The following WIZ variants were observed in gnomAD, a reference collection of about 807,000 sequenced individuals.
WIZ encodes WIZ zinc finger.
A neutral mutation model predicts 140.2 loss-of-function variants in WIZ; 25 were observed. The ratio of observed to expected loss-of-function variants is 0.18; its 90% CI spans 0.13 to 0.25. The LOEUF is 0.25. WIZ is among the 10% of genes least tolerant of loss of function. The pLI, the probability that WIZ is intolerant of heterozygous loss-of-function variation, is 1.00. For missense variants in WIZ, 2,231 were observed against 2,632.6 expected (o/e 0.85, Z 3.34); for synonymous variants, 1,125 against 1,154.3 (o/e 0.97, Z 0.51).
rs1184057182 is a variant in WIZ at position 15,422,711 on chromosome 19, T to C, written c.*365A>G. The C allele has an allele frequency of 6.6e-6, 2 of 303,036 alleles. No individual in the cohort carries two copies. The highest frequency in any genetic ancestry group is 9.4e-5 in the Admixed American group (2 of 21,176). The allele number at this position is 303,036 out of a possible 1,614,324, so 18.8% of individuals were successfully genotyped here. A position where few individuals can be genotyped will look rare whatever the true frequency, so the allele number is the denominator to read the frequency against. ...GAGAGGGAACCAGAACAGGGGTCTT[T>C]GGGGTCTTTGCAAATGGCCACGGAT... On this transcript the variant is annotated 3_prime_UTR_variant, in exon 13 of 13. Coordinates refer to ENST00000673675, the MANE Select transcript of WIZ (RefSeq NM_001371589.1).
chr19:15,438,275 C>T (rs1969591182), intron 4 of WIZ, among the ~76,000 whole-genome samples: 1 of 152,188 alleles, frequency 6.6e-6, no homozygotes, highest in South Asian at 2.1e-4. Context: ...TGCTGTGTCC[C>T]CAGGTCCCCA....
Position 15,440,552 on chromosome 19 carries a change from T to C in WIZ, c.442A>G (p.Ile148Val). 1 of 1,536,148 alleles carries C rather than the reference T, an allele frequency of 6.5e-7. No individual in the cohort carries two copies. ...LSERRFEDSV[I>V]VRTMKPHAEL... is the part of the protein sequence containing the mutation. ...GCGTGGGGTTTCATGGTTCTCACAA[T>C]GACTGAGTCCTCGAATCTCCGCTCA... is the stretch of plus-strand genomic sequence containing the variant. The change falls in exon 4 of 13, where the codon ATT (isoleucine) becomes GTT (valine). Residue 148 changes from isoleucine (I) to valine (V), a missense_variant. Physicochemically the swap from Ile to Val is conservative, Grantham distance 29 (BLOSUM62 3). Coordinates refer to ENST00000673675, the MANE Select transcript of WIZ (RefSeq NM_001371589.1). This position sits in a 1 kb window ranked among gnomAD's most constrained non-coding sequence, Gnocchi z 6.2.
Position 15,440,799 on chromosome 19 carries a change from G to T in WIZ, c.279-84C>A. The T allele has an allele frequency of 5.7e-6, 7 of 1,221,326 alleles. No individual in the cohort carries two copies. The highest frequency in any genetic ancestry group is 1.6e-5 in the African/African-American group (1 of 64,506). The allele number at this position is 1,221,326 out of a possible 1,614,324, so 75.7% of individuals were successfully genotyped here. A position where few individuals can be genotyped will look rare whatever the true frequency, so the allele number is the denominator to read the frequency against. ...GTGGTGATGGGGGTCCTCCCAGGCC[G>T]TTTGAAGCAGGCCCCGGAGATCCAG... On this transcript the variant is annotated intron_variant, in intron 3 of 12. Transcript: ENST00000673675. This position sits in a 1 kb window ranked among gnomAD's most constrained non-coding sequence, Gnocchi z 6.2.
intron 7 of WIZ, among the ~76,000 whole-genome samples, chr19:15,429,040 C>T (rs1169971493): frequency 2.6e-5 from 4 of 152,194 alleles, no homozygotes; most frequent in African/African-American, 9.6e-5. Flanking sequence ...CTGCTCACTG[C>T]ACCTGGAGGG....
intron 2 of WIZ, among the ~76,000 whole-genome samples, chr19:15,445,506 G>A (rs1052327812): frequency 1.8e-4 from 28 of 152,282 alleles, no homozygotes; most frequent in African/African-American, 6.0e-4. Flanking sequence ...CTGGTTCAGC[G>A]ATGTCTCAAG....
In WIZ at chr19:15,436,878, G is replaced by A. The variant is rs779280796; in HGVS notation, c.2668C>T (p.Arg890Trp). 9.9e-6 allele frequency: 16 copies of A among 1,612,816 alleles called. No individual in the cohort carries two copies. The highest frequency in any genetic ancestry group is 1.7e-5 in the Admixed American group (1 of 59,814). Residue 890 changes from arginine to tryptophan, a missense_variant, in exon 5 of 13, where the codon CGG becomes TGG. Physicochemically the swap from Arg to Trp is moderately radical, Grantham distance 101 (BLOSUM62 -3). Coordinates refer to ENST00000673675, the MANE Select transcript of WIZ (RefSeq NM_001371589.1). ...GGCACCGTGAGAGGTAAGCGGGGCC[G>A]ACGGGAGGTCAGGAAGCTGCCAGGC... ...GPPGSFLTSR[R>W]PRLPLTVPFP...
chr19:15,429,770 G>A lies in WIZ; in HGVS notation c.3231C>T (p.Phe1077=), dbSNP rs1431470634. ...GCGGGTGGCCCAGGCCCTTGGCCGA[G>A]AAGCCGGGAGGCGACTTGATGGCTT... ...VNKAIKSPPG[F]SAKGLGHPPS... The change falls in exon 7 of 13, where the codon TTC becomes TTT. Residue 1077 remains phenylalanine, a synonymous_variant. Transcript: ENST00000673675. 1.3e-6 allele frequency: 2 copies of A among 1,511,024 alleles called. No individual in the cohort carries two copies. The highest frequency in any genetic ancestry group is 4.9e-5 in the East Asian group (2 of 40,462). 93.6% of individuals were successfully genotyped at this position (1,511,024 alleles called of 1,614,324 possible). A position where few individuals can be genotyped will look rare whatever the true frequency, so the allele number is the denominator to read the frequency against.
In WIZ at chr19:15,438,905, C is replaced by G. The variant is rs1008109539; in HGVS notation, c.2089G>C (p.Ala697Pro). 6.9e-7 allele frequency: 1 copy of G among 1,446,768 alleles called. No homozygotes were observed. The highest frequency in any genetic ancestry group is 1.4e-5 in the African/African-American group (1 of 70,268). 89.6% of individuals were successfully genotyped at this position (1,446,768 alleles called of 1,614,324 possible). A position where few individuals can be genotyped will look rare whatever the true frequency, so the allele number is the denominator to read the frequency against. ...TGCAACCTTGGGGGCACCCTGGCTG[C>G]CGCCATGACCTGCGGCCCCAGCTTC... Reference protein sequence around the residue: ...VAKLGPQVMAAARVPPRLQPE... With the variant: ...VAKLGPQVMAPARVPPRLQPE... The change falls in exon 4 of 13, where the codon GCA (alanine) becomes CCA (proline). Residue 697 changes from alanine to proline, a missense_variant. Physicochemically the swap from Ala to Pro is conservative, Grantham distance 27. This residue lies in a region of WIZ where 475 missense variants were observed against 520.2 expected (regional missense o/e 0.91). Coordinates refer to ENST00000673675, the MANE Select transcript of WIZ (RefSeq NM_001371589.1).
chr19:15,427,023 G>A lies in WIZ; in HGVS notation c.4325C>T (p.Pro1442Leu). 6.2e-7 allele frequency: 1 copy of A among 1,614,086 alleles called. No homozygotes were observed. Among genetic ancestry groups the A allele is most frequent in the East Asian group, 2.2e-5 (1 of 44,878 alleles). The change falls in exon 9 of 13, where the codon CCC becomes CTC. Residue 1442 changes from proline (P) to leucine (L), a missense_variant. By Grantham distance (98) the Pro-to-Leu change is moderately conservative. Around this residue, in one of 15 missense-constraint regions of WIZ, gnomAD observed 393 missense variants for 451.7 expected, o/e 0.87. Transcript: ENST00000673675. The surrounding 1 kb of genome is among the most constrained non-coding windows in gnomAD (Gnocchi z 6.4). ...LHGELHPSEG[P>L]WGAPREDMTP... ...CATGTCTTCCCGTGGTGCCCCCCAGGGACCCTCAGATGGGTGCAGTTCCCC... is the reference window on the plus strand; with the variant it reads ...CATGTCTTCCCGTGGTGCCCCCCAGAGACCCTCAGATGGGTGCAGTTCCCC...
chr19:15,445,327 G>A (rs982409204), intron 2 of WIZ, among the ~76,000 whole-genome samples: 3 of 152,224 alleles, frequency 2.0e-5, no homozygotes, highest in African/African-American at 4.8e-5. Flanking sequence ...CCTGAAGGGC[G>A]TGCCTCTCCC....
chr19:15,436,174 A>G (rs1397778358), intron 5 of WIZ, among the ~76,000 whole-genome samples: 1 of 152,206 alleles, frequency 6.6e-6, no homozygotes, highest in Non-Finnish European at 1.5e-5. Flanking sequence ...TAGGATCCCC[A>G]CTAGCCTGGC....
chr19:15,446,027 G>A (rs1405676476), intron 2 of WIZ, among the ~76,000 whole-genome samples: 3 of 152,096 alleles, frequency 2.0e-5, no homozygotes, highest in Non-Finnish European at 4.4e-5. Context: ...GGAGAGACGT[G>A]GTGTCCCAAA....
chr19:15,448,267 C>A lies in WIZ; in HGVS notation c.41G>T (p.Arg14Leu). 1.2e-6 allele frequency: 2 copies of A among 1,613,244 alleles called. No homozygotes were observed. The highest frequency in any genetic ancestry group is 1.7e-6 in the Non-Finnish European group (2 of 1,179,808). ...SLAGSLAAPD[R>L]PQGPERLPGP... ...AGGCAGTCTCTCTGGGCCTTGGGGA[C>A]GATCTGGTGCAGCCAGGCTGCCTGC... The change falls in exon 2 of 13, where the codon CGT becomes CTT. Residue 14 changes from arginine to leucine, a missense_variant. Transcript: ENST00000673675.
chr19:15,433,904 G>C (rs933747919), intron 5 of WIZ, among the ~76,000 whole-genome samples: 1 of 152,214 alleles, frequency 6.6e-6, no homozygotes, highest in African/African-American at 2.4e-5. Context: ...TTGTGAGTGG[G>C]TCTGACTGAG....
chr19:15,431,524 G>A (rs1249502247), intron 5 of WIZ, among the ~76,000 whole-genome samples: 3 of 152,342 alleles, frequency 2.0e-5, no homozygotes, highest in African/African-American at 4.8e-5. Context: ...CTGTCTCGAG[G>A]GTGAGGGTGG....
At position 15,428,725 on chromosome 19, in the gene WIZ, G is replaced by T. The variant is rs1969024040; in HGVS notation, c.3416-217C>A. ...GAGTGTAGAGAGCTTAAGGACTTTG[G>T]GTAGACAGGCAGTGACCAAATTCTA... On this transcript the variant is annotated intron_variant, in intron 7 of 12. Coordinates refer to ENST00000673675, the MANE Select transcript of WIZ (RefSeq NM_001371589.1). The surrounding 1 kb of genome is among the most constrained non-coding windows in gnomAD (Gnocchi z 6.4). Among the ~76,000 whole-genome samples the T allele has an allele frequency of 1.3e-5, 2 of 152,108 alleles. No homozygotes were observed. Among genetic ancestry groups the T allele is most frequent in the East Asian group, 3.9e-4 (2 of 5,186 alleles).
Position 15,425,041 on chromosome 19 carries a change from C to A in WIZ, c.4895-9G>T. On this transcript the variant is annotated splice_polypyrimidine_tract_variant and intron_variant, in intron 10 of 12. Coordinates refer to ENST00000673675, the MANE Select transcript of WIZ (RefSeq NM_001371589.1). ...GCAGCAGGCCTCGGTGGCTGCGGGGCGGAGGGGGTGCTGCTGAGTCACAGC... is the reference window on the plus strand; with the variant it reads ...GCAGCAGGCCTCGGTGGCTGCGGGGAGGAGGGGGTGCTGCTGAGTCACAGC... 1 of 1,561,126 alleles carries A rather than the reference C, an allele frequency of 6.4e-7. No homozygotes were observed. The highest frequency in any genetic ancestry group is 8.6e-7 in the Non-Finnish European group (1 of 1,156,920).
Position 15,431,854 on chromosome 19 carries a change from T to A in WIZ, c.2741-672A>T, listed in dbSNP as rs202140375. Among the ~76,000 whole-genome samples, 9 of 151,956 alleles carry A rather than the reference T, an allele frequency of 5.9e-5. No homozygotes were observed. The East Asian group carries it at 1.7e-3, about 29-fold the overall frequency. On this transcript the variant is annotated intron_variant, in intron 5 of 12. Transcript: ENST00000673675. ...GCCCGCAGCATCCCTGGGTGAGGAGTGTGTGGCAGAGGGAACCAAGGGTGA... is the reference window on the plus strand; with the variant it reads ...GCCCGCAGCATCCCTGGGTGAGGAGAGTGTGGCAGAGGGAACCAAGGGTGA...
rs188488566 is a variant in WIZ, at chr19:15,422,919, G to A, written c.*157C>T. The A allele has an allele frequency of 3.4e-5, 39 of 1,154,696 alleles. No homozygotes were observed. The East Asian group carries it at 7.1e-4, about 21-fold the overall frequency. 71.5% of individuals were successfully genotyped at this position (1,154,696 alleles called of 1,614,324 possible). ...GAAGGGCAGCTAGCTGGCTCCCGGC[G>A]CCCTGGCTGTAGTGTGCCCGGCCCC... On this transcript the variant is annotated 3_prime_UTR_variant, in exon 13 of 13. Coordinates refer to ENST00000673675, the MANE Select transcript of WIZ (RefSeq NM_001371589.1).
Sources: gnomAD v4.1 joint callset for allele counts (sites outside exome capture counted in the v4.1 genomes callset) on GRCh38, gnomAD v4.1.1 for gene constraint, gnomAD v4.1.1 regional missense constraint, Gnocchi (gnomAD v3.1) non-coding constraint, MANE v1.5 for transcripts, NCBI Gene and HGNC (gene_info 2026-07-23, HGNC 2026-07-21) for gene names.